DPP10: variants seen among roughly 807,000 people sequenced by gnomAD.
DPP10 encodes dipeptidyl peptidase like 10.
DPP10 carries 33 observed loss-of-function variants against 120.9 expected under a neutral mutation model. The ratio of observed to expected loss-of-function variants is 0.27; its 90% CI spans 0.21 to 0.37. The LOEUF is 0.37. Ranked by LOEUF, DPP10 falls within the 10% of genes least tolerant of loss-of-function variation. The pLI is 1.00. For missense variants in DPP10, 816 were observed against 942.8 expected (o/e 0.87, Z 1.76); for synonymous variants, 337 against 326.1 (o/e 1.03, Z -0.36).
intron 1 of DPP10, among the ~76,000 whole-genome samples, chr2:115,201,610 T>C (rs2055728089): frequency 6.6e-6 from 1 of 152,160 alleles, no homozygotes; most frequent in Non-Finnish European, 1.5e-5. Flanking sequence ...GAAGAGGAAA[T>C]GAGTCCAACA....
chr2:114,930,289 T>C, intron 1 of DPP10, among the ~76,000 whole-genome samples: 1 of 152,252 alleles, frequency 6.6e-6, no homozygotes, highest in East Asian at 1.9e-4. Flanking sequence ...AAATATTTAC[T>C]CTCTGCTTCC....
At chr2:115,510,966 G>T (rs1282887873) in intron 4 of DPP10, among the ~76,000 whole-genome samples, 1 of 152,038 alleles carries the variant, frequency 6.6e-6, no homozygotes, top group Non-Finnish European at 1.5e-5. Context: ...GAAATGTAAT[G>T]ATTTTTGTGT....
At chr2:115,437,595 T>C (rs2071610376) in intron 3 of DPP10, among the ~76,000 whole-genome samples, 2 of 152,092 alleles carry the variant, frequency 1.3e-5, no homozygotes, top group African/African-American at 4.8e-5. Flanking sequence ...GTATATGTGG[T>C]GCTTTGAAAA....
chr2:115,419,203 G>C (rs1234326409), intron 3 of DPP10, among the ~76,000 whole-genome samples: 2 of 152,158 alleles, frequency 1.3e-5, no homozygotes, highest in African/African-American at 4.8e-5. Flanking sequence ...CAAATAGCCT[G>C]TTAAATACAC....
At chr2:115,556,246 A>G (rs953370498) in intron 5 of DPP10, among the ~76,000 whole-genome samples, 4 of 152,056 alleles carry the variant, frequency 2.6e-5, no homozygotes, top group Non-Finnish European at 5.9e-5. Context: ...AAAACCCCCT[A>G]GATCAAACTT....
rs375581169 is a variant in DPP10, at chr2:115,686,878, C to T, written c.442-2809C>T. Among the ~76,000 whole-genome samples the T allele has an allele frequency of 8.6e-5, 13 of 152,022 alleles. No homozygotes were observed. In the East Asian group the frequency reaches 2.1e-3, roughly 25 times the overall value. The stretch of plus-strand genomic sequence containing the variant: ...TTTTTGGCTATGAAATTTGCTTGTC[C>T]CCATAGGTCTCTCAGATGCTCAGTT... On this transcript the variant is annotated intron_variant, in intron 5 of 25. Transcript: ENST00000410059.
At chr2:114,789,055 C>T (rs1683020289) in intron 1 of DPP10, among the ~76,000 whole-genome samples, 1 of 152,138 alleles carries the variant, frequency 6.6e-6, no homozygotes, top group Non-Finnish European at 1.5e-5. Flanking sequence ...TGCTAAAAGC[C>T]AGCCCACAAG....
intron 3 of DPP10, among the ~76,000 whole-genome samples, chr2:115,453,561 CAAG>C (rs1407636613): frequency 6.6e-6 from 1 of 151,512 alleles, no homozygotes; most frequent in Non-Finnish European, 1.5e-5. Context: ...AAAGAGGTCA[CAAG>C]AAATTGTAAA....
chr2:114,729,070 A>C (rs1284060057), intron 1 of DPP10, among the ~76,000 whole-genome samples: 1 of 152,260 alleles, frequency 6.6e-6, no homozygotes, highest in Non-Finnish European at 1.5e-5. Context: ...TGATTAGAGC[A>C]CAACGGCTTT....
chr2:115,307,449 T>C (rs1399372861), intron 1 of DPP10, among the ~76,000 whole-genome samples: 1 of 152,132 alleles, frequency 6.6e-6, no homozygotes, highest in Non-Finnish European at 1.5e-5. Context: ...TTTCCTGTTC[T>C]TACATTGTGA....
At chr2:115,181,425 T>G (rs1473456681) in intron 1 of DPP10, among the ~76,000 whole-genome samples, 1 of 152,206 alleles carries the variant, frequency 6.6e-6, no homozygotes, top group Non-Finnish European at 1.5e-5. Context: ...CTTGACTGCA[T>G]TCATCCGGTA....
intron 1 of DPP10, among the ~76,000 whole-genome samples, chr2:114,448,451 A>C (rs1163050993): frequency 6.6e-6 from 1 of 152,192 alleles, no homozygotes; most frequent in Non-Finnish European, 1.5e-5. Context: ...CAAATGAAGC[A>C]TGGACGTAGT....
intron 3 of DPP10, among the ~76,000 whole-genome samples, chr2:115,424,458 A>G (rs2070267786): frequency 6.6e-6 from 1 of 151,936 alleles, no homozygotes; most frequent in African/African-American, 2.4e-5. Context: ...TGTACTGTCA[A>G]GATAAATTAT....
At chr2:115,362,122 G>A (rs546524062) in intron 3 of DPP10, among the ~76,000 whole-genome samples, 1 of 152,230 alleles carries the variant, frequency 6.6e-6, no homozygotes, top group Non-Finnish European at 1.5e-5. Flanking sequence ...ATTCGAATGA[G>A]CCATTGAGAA....
At chr2:115,783,967 C>T (rs1013967221) in intron 17 of DPP10, among the ~76,000 whole-genome samples, 1 of 152,130 alleles carries the variant, frequency 6.6e-6, no homozygotes, top group Non-Finnish European at 1.5e-5. Context: ...CACTGTATAT[C>T]TTGCCTTTAA....
chr2:115,606,071 T>G (rs771793887), intron 5 of DPP10, among the ~76,000 whole-genome samples: 2 of 152,184 alleles, frequency 1.3e-5, no homozygotes, highest in Non-Finnish European at 2.9e-5. Flanking sequence ...AATAAAAATG[T>G]GCTAATTTCT....
chr2:115,840,511 A>C (rs1054570081), intron 24 of DPP10, among the ~76,000 whole-genome samples: 8 of 151,572 alleles, frequency 5.3e-5, no homozygotes, highest in African/African-American at 1.9e-4. Flanking sequence ...TTTTTAATGG[A>C]GATGGGATTT....
At chr2:114,649,699 G>A (rs1456151862) in intron 1 of DPP10, among the ~76,000 whole-genome samples, 1 of 152,052 alleles carries the variant, frequency 6.6e-6, no homozygotes, top group Admixed American at 6.6e-5. Flanking sequence ...CTATTTTATA[G>A]GATTTTAAAC....
chr2:114,993,576 G>GTATATATATA (rs1395583474), intron 1 of DPP10, among the ~76,000 whole-genome samples: 58 of 37,584 alleles, frequency 1.5e-3, no homozygotes, highest in African/African-American at 3.6e-3. Flanking sequence ...GTGTGTGTGT[G>GTATATATATA]TGTGTATATA....
Sources: allele counts gnomAD v4.1 joint callset (sites outside exome capture counted in the v4.1 genomes callset), GRCh38; gene constraint gnomAD v4.1.1; transcripts MANE v1.5; gene names NCBI Gene and HGNC (gene_info 2026-07-23, HGNC 2026-07-21).